The following CSNK1G1 variants were observed in gnomAD, a reference collection of about 807,000 sequenced individuals.
CSNK1G1 encodes casein kinase 1 gamma 1, also known as casein kinase I isoform gamma-1.
CSNK1G1 carries 22 observed loss-of-function variants against 59.6 expected under a neutral mutation model. The observed-to-expected ratio is 0.37, with a 90% CI of 0.26 to 0.53. CSNK1G1 has a LOEUF of 0.53. CSNK1G1 is among the 20% of genes least tolerant of loss of function. The pLI is 0.89. For synonymous variants in CSNK1G1, 179 were observed against 177.1 expected (o/e 1.01, Z -0.08); for missense variants, 384 against 519.5 (o/e 0.74, Z 2.54).
chr15:64,284,542 T>C (rs1484546849), intron 2 of CSNK1G1, among the ~76,000 whole-genome samples: 1 of 152,128 alleles, frequency 6.6e-6, no homozygotes, highest in Non-Finnish European at 1.5e-5. Context: ...TTTTATTAAA[T>C]TTATTCCTAA....
At position 64,182,912 on chromosome 15, in the gene CSNK1G1, G is replaced by C. The variant is rs550397132; in HGVS notation, c.1108-2458C>G. Reference sequence around the variant, plus strand: ...AGGGTATATGGATTGGAAAACCACAGCTCCTCACTCTAATGCTATCCTGTT... The same window carrying C: ...AGGGTATATGGATTGGAAAACCACACCTCCTCACTCTAATGCTATCCTGTT... On this transcript the variant is annotated intron_variant, in intron 10 of 11. Transcript: ENST00000303052. Among the ~76,000 whole-genome samples the C allele has an allele frequency of 3.3e-5, 5 of 152,304 alleles. No individual in the cohort carries two copies. The East Asian group carries it at 9.6e-4, about 29-fold the overall frequency.
At chr15:64,343,602 T>G (rs1201185174) in intron 1 of CSNK1G1, among the ~76,000 whole-genome samples, 1 of 152,054 alleles carries the variant, frequency 6.6e-6, no homozygotes, top group African/African-American at 2.4e-5. Flanking sequence ...GAATACTCAC[T>G]GGATTTTCTC....
chr15:64,336,013 T>C (rs1368528267), intron 1 of CSNK1G1, among the ~76,000 whole-genome samples: 2 of 152,192 alleles, frequency 1.3e-5, no homozygotes, highest in Non-Finnish European at 2.9e-5. Context: ...TTATGGAGCA[T>C]GAATGAATAA....
chr15:64,214,448 T>C lies in CSNK1G1; in HGVS notation c.445-324A>G, dbSNP rs115714684. 0.012 allele frequency among the ~76,000 whole-genome samples: 1,882 copies of C among 152,256 alleles called. 27 individuals carry two copies. The highest frequency in any genetic ancestry group is 0.044 in the African/African-American group (1,819 of 41,558). On this transcript the variant is annotated intron_variant, in intron 5 of 11. Coordinates refer to ENST00000303052, the MANE Select transcript of CSNK1G1 (RefSeq NM_022048.5). This position sits in a 1 kb window ranked among gnomAD's most constrained non-coding sequence, Gnocchi z 4.3. ...ATATGCTACGTCAGAAAATTAAGCATTTGAGACAAAAGAAGTATTCCCAGG... is the reference window on the plus strand; with the variant it reads ...ATATGCTACGTCAGAAAATTAAGCACTTGAGACAAAAGAAGTATTCCCAGG...
At chr15:64,249,217 A>C (rs921216885) in intron 4 of CSNK1G1, among the ~76,000 whole-genome samples, 1 of 152,212 alleles carries the variant, frequency 6.6e-6, no homozygotes, top group Non-Finnish European at 1.5e-5. Flanking sequence ...AATTAGCCTG[A>C]AGAGTGGTGA....
intron 3 of CSNK1G1, among the ~76,000 whole-genome samples, chr15:64,257,607 G>T (rs1401609238): frequency 1.3e-5 from 2 of 152,040 alleles, no homozygotes; most frequent in African/African-American, 4.8e-5. Context: ...CTGCAGTCTC[G>T]ACTTCCTGGG....
rs1250682616 is a variant in CSNK1G1, at chr15:64,167,408, A to G, written c.*4523T>C. ...GATTCCTATCAACCCCTCATGGGAAAGACTAGGAGTCTCTGCCATCGACCT... is the reference window on the plus strand; with the variant it reads ...GATTCCTATCAACCCCTCATGGGAAGGACTAGGAGTCTCTGCCATCGACCT... On this transcript the variant is annotated 3_prime_UTR_variant, in exon 12 of 12. Coordinates refer to ENST00000303052, the MANE Select transcript of CSNK1G1 (RefSeq NM_022048.5). 6.5e-6 allele frequency: 1 copy of G among 152,686 alleles called. No individual in the cohort carries two copies. Among genetic ancestry groups the G allele is most frequent in the East Asian group, 1.9e-4 (1 of 5,200 alleles). The allele number at this position is 152,686 out of a possible 1,614,324, so 9.5% of individuals were successfully genotyped here.
At chr15:64,322,925 T>G (rs565796404) in intron 1 of CSNK1G1, among the ~76,000 whole-genome samples, 6 of 151,766 alleles carry the variant, frequency 4.0e-5, no homozygotes, top group Non-Finnish European at 2.9e-5. Context: ...ACATTCCTCG[T>G]TTTGTTTTTG....
rs1462275059 is a variant in CSNK1G1, at chr15:64,204,953, T to C, written c.766-4A>G. The C allele has an allele frequency of 1.9e-6, 3 of 1,559,656 alleles. No individual in the cohort carries two copies. Among genetic ancestry groups the C allele is most frequent in the Admixed American group, 1.7e-5 (1 of 58,982 alleles). ...ATCTCTCTTTTAATGTGTCAGCCTG[T>C]AGAGAGTAAAGAGAGAAAGTTACTT... On this transcript the variant is annotated splice_region_variant and splice_polypyrimidine_tract_variant and intron_variant, in intron 7 of 11. Transcript: ENST00000303052.
intron 2 of CSNK1G1, among the ~76,000 whole-genome samples, chr15:64,261,982 G>A (rs1404056782): frequency 6.0e-5 from 9 of 149,572 alleles, no homozygotes; most frequent in Non-Finnish European, 1.3e-4. Context: ...ATTTTTCCCT[G>A]TTCCTACTTC....
chr15:64,196,378 C>T (rs908707005), intron 10 of CSNK1G1, among the ~76,000 whole-genome samples: 4 of 151,244 alleles, frequency 2.6e-5, no homozygotes, highest in African/African-American at 9.7e-5. Context: ...TCTAAACAAG[C>T]AAAGCAAAAT....
In CSNK1G1 at chr15:64,200,593, G is replaced by A. The variant is rs1014630591; in HGVS notation, c.1107+2489C>T. ...ACTCCTGACCTCAGGTGATCGACCC[G>A]CCTCGGCCTCCCAAAGTGCTGGGAT... On this transcript the variant is annotated intron_variant, in intron 10 of 11. Transcript: ENST00000303052. This position sits in a 1 kb window ranked among gnomAD's most constrained non-coding sequence, Gnocchi z 4.3. Among the ~76,000 whole-genome samples, 44 of 152,280 alleles carry A rather than the reference G, an allele frequency of 2.9e-4. 1 individual carries two copies. The highest frequency in any genetic ancestry group is 1.0e-3 in the African/African-American group (42 of 41,578).
At chr15:64,350,308 A>G (rs1187884594) in intron 1 of CSNK1G1, among the ~76,000 whole-genome samples, 1 of 152,110 alleles carries the variant, frequency 6.6e-6, no homozygotes, top group East Asian at 1.9e-4. Flanking sequence ...CCTGGCTAAC[A>G]CGGTGAAACC....
At chr15:64,342,403 C>G (rs556513966) in intron 1 of CSNK1G1, 40 of 152,330 alleles carry the variant, frequency 2.6e-4, no homozygotes, top group African/African-American at 6.0e-4. Flanking sequence ...ATTATGTTTT[C>G]TCACTAATAC....
intron 2 of CSNK1G1, among the ~76,000 whole-genome samples, chr15:64,292,071 G>A (rs1964080): frequency 0.055 from 8,403 of 151,998 alleles, 717 homozygotes; most frequent in African/African-American, 0.18. Flanking sequence ...TTAGTCAGGC[G>A]TGGTGGCAGG....
At chr15:64,195,263 G>A (rs1265946502) in intron 10 of CSNK1G1, among the ~76,000 whole-genome samples, 2 of 152,200 alleles carry the variant, frequency 1.3e-5, no homozygotes, top group African/African-American at 4.8e-5. Context: ...GCTTTTAATA[G>A]TCAATATGAC....
At chr15:64,308,005 T>C (rs1895779146) in intron 1 of CSNK1G1, among the ~76,000 whole-genome samples, 1 of 152,062 alleles carries the variant, frequency 6.6e-6, no homozygotes, top group African/African-American at 2.4e-5. Context: ...CTTACGCTTA[T>C]GTGGTCAGGG....
intron 2 of CSNK1G1, among the ~76,000 whole-genome samples, chr15:64,279,464 T>C (rs968620296): frequency 6.6e-6 from 1 of 152,244 alleles, no homozygotes; most frequent in Admixed American, 6.5e-5. Context: ...TAGTAGTTCA[T>C]ACTTTTTCAT....
At chr15:64,194,149 G>A (rs1669289353) in intron 10 of CSNK1G1, 1 of 152,214 alleles carries the variant, frequency 6.6e-6, no homozygotes, top group South Asian at 2.1e-4. Flanking sequence ...TGGCCATCCT[G>A]TGGCCAGGAG....
Sources: gnomAD v4.1 joint callset for allele counts (sites outside exome capture counted in the v4.1 genomes callset) on GRCh38, gnomAD v4.1.1 for gene constraint, Gnocchi (gnomAD v3.1) non-coding constraint, MANE v1.5 for transcripts, NCBI Gene and HGNC (gene_info 2026-07-23, HGNC 2026-07-21) for gene names.